Variants in SCGB2B2 observed in about 807,000 individuals in gnomAD.
The protein encoded by SCGB2B2 is secretoglobin family 2B member 2.
SCGB2B2 carries 11 observed loss-of-function variants against 7.6 expected under a neutral mutation model. That is an observed-to-expected ratio of 1.45 (90% CI 0.91 to 2.40). SCGB2B2 has a LOEUF of 2.40. SCGB2B2 is among the 30% of genes most tolerant of loss of function. The pLI is 0.00. For missense variants in SCGB2B2, 104 were observed against 115.4 expected (o/e 0.90, Z 0.45); for synonymous variants, 50 against 48.6 (o/e 1.03, Z -0.12).
intron 1 of SCGB2B2, among the ~76,000 whole-genome samples, chr19:34,655,854 G>A (rs1568441522): frequency 6.6e-6 from 1 of 151,114 alleles, no homozygotes; most frequent in Non-Finnish European, 1.5e-5. Flanking sequence ...AACTGCAGGA[G>A]AGGCCAAGGT....
At chr19:34,647,753 G>T (rs1386133071) in intron 1 of SCGB2B2, among the ~76,000 whole-genome samples, 1 of 152,182 alleles carries the variant, frequency 6.6e-6, no homozygotes, top group Non-Finnish European at 1.5e-5. Flanking sequence ...GTGAAGAGGG[G>T]GTTGTAAAGC....
intron 1 of SCGB2B2, among the ~76,000 whole-genome samples, chr19:34,602,068 G>A (rs1386954041): frequency 1.3e-5 from 2 of 152,114 alleles, no homozygotes. Flanking sequence ...GAAGTTTACT[G>A]TAGGATACTT....
At chr19:34,616,551 ATTTG>A (rs2066086010) in intron 1 of SCGB2B2, among the ~76,000 whole-genome samples, 1 of 137,984 alleles carries the variant, frequency 7.2e-6, no homozygotes, top group Admixed American at 7.3e-5. Flanking sequence ...TTTCTTGTAA[ATTTG>A]TTTGAGTTCA....
intron 1 of SCGB2B2, among the ~76,000 whole-genome samples, chr19:34,642,916 T>C (rs114428380): frequency 0.017 from 2,609 of 152,200 alleles, 79 homozygotes; most frequent in African/African-American, 0.058. Context: ...CAACAGACGC[T>C]AGTGAGGATA....
intron 1 of SCGB2B2, among the ~76,000 whole-genome samples, chr19:34,658,997 A>G (rs961985518): frequency 6.6e-6 from 1 of 152,180 alleles, no homozygotes; most frequent in African/African-American, 2.4e-5. Context: ...ACACAAATCA[A>G]TAAACGTAAT....
chr19:34,641,862 G>C (rs1389641587), intron 1 of SCGB2B2, among the ~76,000 whole-genome samples: 1 of 152,116 alleles, frequency 6.6e-6, no homozygotes, highest in Non-Finnish European at 1.5e-5. Context: ...CTAGATCTAG[G>C]AAAGATTAGC....
In SCGB2B2 at chr19:34,671,258, G is replaced by A. The variant is rs145756691; in HGVS notation, c.-2032+4372C>T. On this transcript the variant is annotated intron_variant, in intron 1 of 3. Transcript: ENST00000601241. ...ATGTCCAGTTGTTCCAACAACACTT[G>A]TTGAAAACACGATCTTCAGTGAATT... Among the ~76,000 whole-genome samples, 6 of 152,330 alleles carry A rather than the reference G, an allele frequency of 3.9e-5. No individual in the cohort carries two copies. The East Asian group carries it at 1.2e-3, about 29-fold the overall frequency.
At chr19:34,674,338 G>C (rs1390216278) in intron 1 of SCGB2B2, among the ~76,000 whole-genome samples, 1 of 152,108 alleles carries the variant, frequency 6.6e-6, no homozygotes, top group Non-Finnish European at 1.5e-5. Flanking sequence ...TAAGGATATG[G>C]GAAAGCTACA....
chr19:34,663,264 C>T (rs1172450254), intron 1 of SCGB2B2, among the ~76,000 whole-genome samples: 1 of 152,206 alleles, frequency 6.6e-6, no homozygotes, highest in Non-Finnish European at 1.5e-5. Flanking sequence ...CCTAAAATTC[C>T]ACACATGGGC....
intron 1 of SCGB2B2, among the ~76,000 whole-genome samples, chr19:34,642,482 A>G (rs2066870306): frequency 6.6e-6 from 1 of 152,050 alleles, no homozygotes; most frequent in Admixed American, 6.6e-5. Flanking sequence ...TTGGGAGGCC[A>G]AGGCAGGTGA....
At chr19:34,594,427 T>G in intron 2 of SCGB2B2, 68 bp from the exon 3 acceptor site, 3 of 1,591,822 alleles carry the variant, frequency 1.9e-6, no homozygotes, top group South Asian at 1.1e-5. Flanking sequence ...CCATGGCCAA[T>G]GAGACCTTGG....
chr19:34,598,339 C>T (rs1012404188), intron 1 of SCGB2B2, among the ~76,000 whole-genome samples: 1 of 152,204 alleles, frequency 6.6e-6, no homozygotes, highest in Non-Finnish European at 1.5e-5. Flanking sequence ...CGACCTGAGC[C>T]GTGTCCCTCA....
chr19:34,647,907 T>C (rs2067064996), intron 1 of SCGB2B2, among the ~76,000 whole-genome samples: 1 of 152,162 alleles, frequency 6.6e-6, no homozygotes, highest in East Asian at 1.9e-4. Flanking sequence ...CTGAATAACC[T>C]GAGGCAGCCA....
At chr19:34,634,857 C>T in intron 1 of SCGB2B2, 1 of 272,370 alleles carries the variant, frequency 3.7e-6, no homozygotes, top group South Asian at 5.6e-5. Flanking sequence ...GGGCCTTTCA[C>T]CAGTGTGAAC....
chr19:34,613,034 T>C (rs754160388), intron 1 of SCGB2B2, among the ~76,000 whole-genome samples: 7 of 152,192 alleles, frequency 4.6e-5, no homozygotes, highest in Admixed American at 1.3e-4. Context: ...GATATAAGCA[T>C]ACTGACTCCT....
In SCGB2B2 at chr19:34,594,842, C is replaced by T. The variant is rs1568427165; in HGVS notation, c.-279G>A. ...CATTCTCTCTGTCCTCCCTGGAGCT[C>T]CCTGGGATTGGGAGCAGGCTGAACA... On this transcript the variant is annotated 5_prime_UTR_variant, in exon 2 of 4. Coordinates refer to ENST00000601241, the MANE Select transcript of SCGB2B2 (RefSeq NM_001025591.4). 8.3e-6 allele frequency: 4 copies of T among 479,172 alleles called. No homozygotes were observed. The highest frequency in any genetic ancestry group is 1.5e-5 in the Non-Finnish European group (4 of 259,348). 29.7% of individuals were successfully genotyped at this position (479,172 alleles called of 1,614,324 possible).
intron 1 of SCGB2B2, among the ~76,000 whole-genome samples, chr19:34,648,390 C>T (rs2067076767): frequency 6.6e-6 from 1 of 152,132 alleles, no homozygotes; most frequent in Non-Finnish European, 1.5e-5. Flanking sequence ...TTAAAAATGT[C>T]CTGAGAAATT....
At chr19:34,647,779 T>C (rs1486121946) in intron 1 of SCGB2B2, among the ~76,000 whole-genome samples, 2 of 152,122 alleles carry the variant, frequency 1.3e-5, no homozygotes, top group African/African-American at 2.4e-5. Flanking sequence ...AAAATTGTAA[T>C]AGTGATGAGA....
intron 1 of SCGB2B2, among the ~76,000 whole-genome samples, chr19:34,631,849 A>T (rs988746518): frequency 1.3e-5 from 2 of 152,222 alleles, no homozygotes; most frequent in African/African-American, 4.8e-5. Context: ...AAAGAAGTAC[A>T]AAGTTAAAGG....
Sources: gnomAD v4.1 joint callset for allele counts (sites outside exome capture counted in the v4.1 genomes callset) on GRCh38, gnomAD v4.1.1 for gene constraint, MANE v1.5 for transcripts, NCBI Gene and HGNC (gene_info 2026-07-23, HGNC 2026-07-21) for gene names.